The following KIF6 variants were observed in gnomAD, a reference collection of about 807,000 sequenced individuals.
KIF6 encodes kinesin-like protein KIF6.
KIF6 carries 106 observed loss-of-function variants against 112.7 expected under a neutral mutation model. The observed-to-expected ratio is 0.94, with a 90% CI of 0.80 to 1.11. The LOEUF is 1.11. KIF6 is among the 50% of genes least tolerant of loss of function. The pLI, the probability that KIF6 is intolerant of heterozygous loss-of-function variation, is 0.00. For synonymous variants in KIF6, 339 were observed against 339.9 expected (o/e 1.00, Z 0.03); for missense variants, 929 against 964.0 (o/e 0.96, Z 0.48).
At chr6:39,454,066 CA>C (rs1772876075) in intron 13 of KIF6, among the ~76,000 whole-genome samples, 1 of 152,004 alleles carries the variant, frequency 6.6e-6, no homozygotes, top group Non-Finnish European at 1.5e-5. Flanking sequence ...CTGTTAAATA[CA>C]GTAGATAGAA....
At chr6:39,550,408 G>T (rs534146121) in intron 10 of KIF6, among the ~76,000 whole-genome samples, 8 of 152,174 alleles carry the variant, frequency 5.3e-5, no homozygotes, top group African/African-American at 1.9e-4. Flanking sequence ...GGAGTGGGAG[G>T]GGAGCCTGGT....
chr6:39,632,322 T>C (rs961694114), intron 5 of KIF6, among the ~76,000 whole-genome samples: 3 of 152,154 alleles, frequency 2.0e-5, no homozygotes, highest in African/African-American at 7.2e-5. Flanking sequence ...CTGAGTTGAT[T>C]TTATATAGTT....
intron 13 of KIF6, among the ~76,000 whole-genome samples, chr6:39,530,614 G>A (rs1777997517): frequency 6.6e-6 from 1 of 152,156 alleles, no homozygotes; most frequent in Non-Finnish European, 1.5e-5. Context: ...GCTCTCTAGG[G>A]AACCATGAAT....
chr6:39,576,824 C>A (rs780011367), intron 10 of KIF6, among the ~76,000 whole-genome samples: 11 of 152,212 alleles, frequency 7.2e-5, no homozygotes, highest in Non-Finnish European at 1.5e-4. Flanking sequence ...TCCTGGCAGT[C>A]AATTTCCTAT....
intron 5 of KIF6, among the ~76,000 whole-genome samples, chr6:39,621,870 A>G (rs2150736645): frequency 6.6e-6 from 1 of 152,296 alleles, no homozygotes; most frequent in African/African-American, 2.4e-5. Flanking sequence ...GGTTAATGAA[A>G]TTGAACCTAT....
At chr6:39,499,390 A>C (rs1413229893) in intron 13 of KIF6, among the ~76,000 whole-genome samples, 1 of 152,070 alleles carries the variant, frequency 6.6e-6, no homozygotes, top group Non-Finnish European at 1.5e-5. Flanking sequence ...CAAAAGCATG[A>C]GCCAAAAATA....
chr6:39,360,227 C>A (rs942178370), intron 18 of KIF6, among the ~76,000 whole-genome samples, 168 bp downstream of exon 18: 1 of 152,176 alleles, frequency 6.6e-6, no homozygotes, highest in African/African-American at 2.4e-5. Context: ...AAACAATGAA[C>A]CCCTGCCCTT....
chr6:39,507,530 G>C (rs754294970), intron 13 of KIF6, among the ~76,000 whole-genome samples: 1 of 152,032 alleles, frequency 6.6e-6, no homozygotes, highest in Non-Finnish European at 1.5e-5. Flanking sequence ...TATGCAACCT[G>C]GGGGAGGGCG....
intron 13 of KIF6, among the ~76,000 whole-genome samples, chr6:39,449,145 T>C (rs1236147316): frequency 6.6e-6 from 1 of 152,222 alleles, no homozygotes; most frequent in Non-Finnish European, 1.5e-5. Context: ...CTGATAGCCT[T>C]GCCAGCTTCC....
chr6:39,664,040 T>A (rs1322607583), intron 3 of KIF6, among the ~76,000 whole-genome samples: 1 of 152,046 alleles, frequency 6.6e-6, no homozygotes, highest in African/African-American at 2.4e-5. Context: ...GTAGAACTAA[T>A]TAGGACTGGA....
intron 9 of KIF6, chr6:39,583,384 G>C (rs549669048): frequency 1.7e-5 from 8 of 471,340 alleles, no homozygotes; most frequent in African/African-American, 1.6e-4. Context: ...AACACTGTGT[G>C]ATGCTGATAC....
chr6:39,332,942 GC>G lies in KIF6; in HGVS notation c.*3589del, dbSNP rs1282102834. 6.6e-6 allele frequency: 1 copy of G among 152,244 alleles called. No homozygotes were observed. Among genetic ancestry groups the G allele is most frequent in the Non-Finnish European group, 1.5e-5 (1 of 68,052 alleles). 9.4% of individuals were successfully genotyped at this position (152,244 alleles called of 1,614,324 possible). On this transcript the variant is annotated 3_prime_UTR_variant, in exon 23 of 23. Coordinates refer to ENST00000287152, the MANE Select transcript of KIF6 (RefSeq NM_145027.6). ...CCTGGTTCCCCCTTCCTGGGCTGCAGCCTGAAAACTCACTGCAGGCAGTAAG... is the reference window on the plus strand; with the variant it reads ...CCTGGTTCCCCCTTCCTGGGCTGCAGCTGAAAACTCACTGCAGGCAGTAAG...
At chr6:39,470,115 A>T (rs951018258) in intron 13 of KIF6, among the ~76,000 whole-genome samples, 8 of 152,228 alleles carry the variant, frequency 5.3e-5, no homozygotes, top group African/African-American at 1.7e-4. Flanking sequence ...TTCTTCCATC[A>T]CAGAATGGTG....
intron 3 of KIF6, among the ~76,000 whole-genome samples, chr6:39,645,725 G>C (rs1312256066): frequency 6.6e-6 from 1 of 152,120 alleles, no homozygotes; most frequent in Non-Finnish European, 1.5e-5. Context: ...AGTTTCAGAA[G>C]GAATGGTACC....
rs188703465 is a variant in KIF6 at position 39,668,004 on chromosome 6, G to A, written c.252-28247C>T. 1.8e-3 allele frequency among the ~76,000 whole-genome samples: 269 copies of A among 152,228 alleles called. 2 individuals carry two copies. The highest frequency in any genetic ancestry group is 6.8e-3 in the Middle Eastern group (2 of 294). On this transcript the variant is annotated intron_variant, in intron 3 of 22. Coordinates refer to ENST00000287152, the MANE Select transcript of KIF6 (RefSeq NM_145027.6). ...GAGAGATCTGGTTGTTTAAAAGTGGGTGGTACCTTGCCCCTCTTTCTCTTA... is the reference window on the plus strand; with the variant it reads ...GAGAGATCTGGTTGTTTAAAAGTGGATGGTACCTTGCCCCTCTTTCTCTTA...
chr6:39,526,094 C>T (rs1481904168), intron 13 of KIF6, among the ~76,000 whole-genome samples: 2 of 152,216 alleles, frequency 1.3e-5, no homozygotes, highest in Non-Finnish European at 2.9e-5. Flanking sequence ...TCTTCACTGT[C>T]CTTGGCAGAC....
chr6:39,418,074 G>T (rs1226619339), intron 15 of KIF6, among the ~76,000 whole-genome samples: 1 of 152,084 alleles, frequency 6.6e-6, no homozygotes, highest in Non-Finnish European at 1.5e-5. Context: ...CCCCAGCAGA[G>T]TGTCTGCCTT....
At chr6:39,355,451 T>TA (rs1232743723) in intron 19 of KIF6, among the ~76,000 whole-genome samples, 59 of 91,856 alleles carry the variant, frequency 6.4e-4, no homozygotes, top group Non-Finnish European at 1.0e-3. Context: ...CTTTTAATTT[T>TA]AAGAAGTCTT....
At chr6:39,572,824 A>G (rs1435413718) in intron 10 of KIF6, among the ~76,000 whole-genome samples, 1 of 151,140 alleles carries the variant, frequency 6.6e-6, no homozygotes, top group Non-Finnish European at 1.5e-5. Context: ...CACCCCCCAA[A>G]AAAGATGTAA....
Sources: allele counts gnomAD v4.1 joint callset (sites outside exome capture counted in the v4.1 genomes callset), GRCh38; gene constraint gnomAD v4.1.1; transcripts MANE v1.5; gene names NCBI Gene and HGNC (gene_info 2026-07-23, HGNC 2026-07-21).